The following SNTB1 variants were observed in gnomAD, a reference collection of about 807,000 sequenced individuals.
SNTB1 encodes beta-1-syntrophin.
Under a neutral mutation model 48.9 loss-of-function variants are expected in SNTB1, and 36 were observed. The observed-to-expected ratio is 0.74, with a 90% confidence interval of 0.56 to 0.97. The LOEUF (loss-of-function observed/expected upper bound fraction) is 0.97, where lower values mean the gene tolerates loss of function less well. Ranked by LOEUF, SNTB1 falls within the 50% of genes least tolerant of loss-of-function variation. The pLI is 0.00. For missense variants in SNTB1, 786 were observed against 703.4 expected, an observed-to-expected ratio of 1.12 and a Z score of -1.33; for synonymous variants, 299 against 294.6, an observed-to-expected ratio of 1.01 and a Z score of -0.15.
intron 2 of SNTB1, among the ~76,000 whole-genome samples, chr8:120,678,410 C>T (rs6999992): frequency 0.039 from 5,916 of 152,180 alleles, 368 homozygotes; most frequent in African/African-American, 0.13. Context: ...GAGTAAAAAA[C>T]GAATGTCCAA....
At chr8:120,645,449 G>A (rs1347141401) in intron 2 of SNTB1, among the ~76,000 whole-genome samples, 4 of 151,160 alleles carry the variant, frequency 2.6e-5, no homozygotes, top group African/African-American at 9.7e-5. Context: ...GTTTTTCTCA[G>A]GTTTGTCAAA....
At chr8:120,753,888 G>A (rs1442984262) in intron 1 of SNTB1, among the ~76,000 whole-genome samples, 3 of 152,138 alleles carry the variant, frequency 2.0e-5, no homozygotes, top group Admixed American at 2.0e-4. Flanking sequence ...TAATCAAGCT[G>A]AAATATCAAA....
In SNTB1 at chr8:120,665,125, C is replaced by A. The variant is rs1303056002; in HGVS notation, c.788+28567G>T. Among the ~76,000 whole-genome samples the A allele has an allele frequency of 2.6e-5, 4 of 152,054 alleles. No individual in the cohort carries two copies. In the South Asian group the frequency reaches 6.2e-4, roughly 24 times the overall value. ...GTCCTTTTAAAAATTGCATTGATTGCCTTTTTAGTATAAATTTAGAGATTT... is the reference window on the plus strand; with the variant it reads ...GTCCTTTTAAAAATTGCATTGATTGACTTTTTAGTATAAATTTAGAGATTT... On this transcript the variant is annotated intron_variant, in intron 2 of 6. Coordinates refer to ENST00000517992, the MANE Select transcript of SNTB1 (RefSeq NM_021021.4).
intron 1 of SNTB1, among the ~76,000 whole-genome samples, chr8:120,749,502 C>T (rs943384449): frequency 1.3e-5 from 2 of 152,034 alleles, no homozygotes; most frequent in Non-Finnish European, 2.9e-5. Flanking sequence ...CCACTACAGC[C>T]TCTCTATGTA....
chr8:120,662,202 A>T (rs1239360576), intron 2 of SNTB1, among the ~76,000 whole-genome samples: 1 of 152,258 alleles, frequency 6.6e-6, no homozygotes, highest in Non-Finnish European at 1.5e-5. Flanking sequence ...TATTTAAAAA[A>T]ATCTATATCT....
At chr8:120,539,926 G>A (rs1815257505) in intron 6 of SNTB1, among the ~76,000 whole-genome samples, 1 of 152,100 alleles carries the variant, frequency 6.6e-6, no homozygotes, top group Admixed American at 6.5e-5. Context: ...CTAAGATTCA[G>A]GGAAGTTATG....
intron 4 of SNTB1, among the ~76,000 whole-genome samples, chr8:120,558,583 TATA>T (rs1395912897): frequency 6.6e-6 from 1 of 152,178 alleles, no homozygotes; most frequent in African/African-American, 2.4e-5. Flanking sequence ...AATAGGACCG[TATA>T]ATATCAGAGA....
At chr8:120,602,849 G>T (rs1230859555) in intron 3 of SNTB1, among the ~76,000 whole-genome samples, 2 of 151,198 alleles carry the variant, frequency 1.3e-5, no homozygotes, top group African/African-American at 4.8e-5. Flanking sequence ...TGTCAATTCT[G>T]TGTATAAGCT....
chr8:120,667,021 A>G (rs944563935), intron 2 of SNTB1, among the ~76,000 whole-genome samples: 4 of 151,666 alleles, frequency 2.6e-5, no homozygotes, highest in Non-Finnish European at 4.4e-5. Context: ...GTCAGTTTCA[A>G]TTGATCAGTT....
chr8:120,561,713 C>T (rs957903946), intron 4 of SNTB1, among the ~76,000 whole-genome samples: 1 of 152,094 alleles, frequency 6.6e-6, no homozygotes, highest in East Asian at 1.9e-4. Flanking sequence ...AAAATCAGTC[C>T]TATTTTAATG....
rs183681989 is a variant in SNTB1, at chr8:120,767,392, A to T, written c.571+43881T>A. On this transcript the variant is annotated intron_variant, in intron 1 of 6. Coordinates refer to ENST00000517992, the MANE Select transcript of SNTB1 (RefSeq NM_021021.4). ...CCACTCCAAAGTACTTTATAATTGT[A>T]CAACAGTGTATATAAAGTGTTCATA... 1.3e-3 allele frequency among the ~76,000 whole-genome samples: 204 copies of T among 152,320 alleles called. 2 individuals carry two copies. Among genetic ancestry groups the T allele is most frequent in the African/African-American group, 4.6e-3 (191 of 41,570 alleles).
intron 2 of SNTB1, among the ~76,000 whole-genome samples, chr8:120,660,935 C>T (rs529302002): frequency 5.3e-5 from 8 of 152,118 alleles, no homozygotes; most frequent in Admixed American, 3.3e-4. Context: ...TCGATGGAGC[C>T]GACAGGATAC....
At chr8:120,633,025 C>G (rs1817009273) in intron 2 of SNTB1, among the ~76,000 whole-genome samples, 1 of 152,208 alleles carries the variant, frequency 6.6e-6, no homozygotes, top group African/African-American at 2.4e-5. Flanking sequence ...TAATAATATA[C>G]TCACACATCC....
chr8:120,711,331 A>T (rs1050647471), intron 1 of SNTB1, among the ~76,000 whole-genome samples: 1 of 70,068 alleles, frequency 1.4e-5, no homozygotes, highest in Non-Finnish European at 2.5e-5. Flanking sequence ...AAAATCATTA[A>T]AAAAAATCTT....
intron 4 of SNTB1, chr8:120,571,139 G>A (rs551877316): frequency 8.9e-7 from 1 of 1,122,566 alleles, no homozygotes; most frequent in African/African-American, 1.6e-5. Flanking sequence ...ATAATGCCCA[G>A]AAACTGTGAG....
At chr8:120,645,015 T>A (rs1248166548) in intron 2 of SNTB1, among the ~76,000 whole-genome samples, 3 of 148,770 alleles carry the variant, frequency 2.0e-5, no homozygotes, top group Non-Finnish European at 4.5e-5. Context: ...GGGTTGTTTG[T>A]TTTTTTCTTG....
chr8:120,573,163 T>G (rs577974769), intron 4 of SNTB1, among the ~76,000 whole-genome samples: 15 of 152,314 alleles, frequency 9.8e-5, no homozygotes, highest in Admixed American at 7.8e-4. Flanking sequence ...GGATTTCCTT[T>G]TCTCCATTTT....
chr8:120,733,585 C>T (rs950548637), intron 1 of SNTB1, among the ~76,000 whole-genome samples: 2 of 152,214 alleles, frequency 1.3e-5, no homozygotes, highest in Non-Finnish European at 2.9e-5. Flanking sequence ...AGGAATGAAG[C>T]ATGAATATTT....
chr8:120,655,094 A>AT, intron 2 of SNTB1: 1 of 338,042 alleles, frequency 3.0e-6, no homozygotes, highest in South Asian at 2.2e-5. Flanking sequence ...AGATCATGAC[A>AT]TTTTGGGGTG....
Sources: allele counts gnomAD v4.1 joint callset (sites outside exome capture counted in the v4.1 genomes callset), GRCh38; gene constraint gnomAD v4.1.1; transcripts MANE v1.5; gene names NCBI Gene and HGNC (gene_info 2026-07-23, HGNC 2026-07-21).